GNAS: variants seen among roughly 807,000 people sequenced by gnomAD.
GNAS encodes protein ALEX.
Under a neutral mutation model 54.5 loss-of-function variants are expected in GNAS, and 8 were observed. That is an observed-to-expected ratio of 0.15 (90% CI 0.09 to 0.26). The LOEUF is 0.26. GNAS is among the 10% of genes least tolerant of loss of function. The pLI is 1.00. For synonymous variants in GNAS, 204 were observed against 191.4 expected, an observed-to-expected ratio of 1.07 and a Z score of -0.54; for missense variants, 170 against 529.8, an observed-to-expected ratio of 0.32 and a Z score of 6.67.
chr20:58,840,527 C>T, upstream of GNAS: 1 of 1,613,592 alleles, frequency 6.2e-7, no homozygotes, highest in African/African-American at 1.3e-5. This position sits in a 1 kb window ranked among gnomAD's most constrained non-coding sequence, Gnocchi z 6.0. Context: ...CGAGACCGAG[C>T]CTGAAGACGA....
upstream of GNAS, chr20:58,889,331 G>T: frequency 1.0e-6 from 1 of 988,842 alleles, no homozygotes; most frequent in African/African-American, 1.8e-5. Context: ...GCTGCCTTGC[G>T]TGTGAGTGCA....
chr20:58,840,105 G>A (rs1278106909), upstream of GNAS: 5 of 1,610,454 alleles, frequency 3.1e-6, no homozygotes, highest in Non-Finnish European at 2.5e-6. This position sits in a 1 kb window ranked among gnomAD's most constrained non-coding sequence, Gnocchi z 6.0. Flanking sequence ...GTGCCTAAGA[G>A]GATGGATCGG....
At chr20:58,892,620 G>C (rs1157650523) in intron 1 of GNAS, 4 of 152,282 alleles carry the variant, frequency 2.6e-5, no homozygotes, top group Admixed American at 2.0e-4. Context: ...GACTTGGTGC[G>C]TTTCGGGCAG....
intron 1 of GNAS, among the ~76,000 whole-genome samples, chr20:58,875,841 G>A (rs1261036295): frequency 6.6e-6 from 1 of 152,232 alleles, no homozygotes; most frequent in African/African-American, 2.4e-5. Context: ...AGAGGCTTGA[G>A]TACTATACGG....
chr20:58,842,601 T>A (rs1405060201), intron 1 of GNAS: 1 of 398,118 alleles, frequency 2.5e-6, no homozygotes, highest in Non-Finnish European at 4.4e-6. Flanking sequence ...GACAGCAATG[T>A]TAGTCTCAGA....
chr20:58,845,035 C>CGTGT (rs3842443), intron 1 of GNAS, among the ~76,000 whole-genome samples: 60 of 151,110 alleles, frequency 4.0e-4, no homozygotes, highest in Non-Finnish European at 7.5e-4. Context: ...GTGTGTTTTA[C>CGTGT]GTGTGTGTGT....
chr20:58,893,066 CTTTTTTTTTTTTT>C (rs869179421), intron 1 of GNAS, among the ~76,000 whole-genome samples: 2 of 103,088 alleles, frequency 1.9e-5, no homozygotes, highest in African/African-American at 8.3e-5. Context: ...GGCGTGGTTT[CTTTTTTTTTTTTT>C]TTTTTTTTTT....
At chr20:58,854,389 C>T (rs748720183) in intron 1 of GNAS, 27 of 1,566,296 alleles carry the variant, frequency 1.7e-5, no homozygotes, top group East Asian at 2.4e-5. Context: ...AAAGTACCCT[C>T]TCCGGGGTAC....
intron 1 of GNAS, chr20:58,842,495 G>C (rs2085777084): frequency 2.5e-6 from 1 of 398,530 alleles, no homozygotes; most frequent in African/African-American, 2.1e-5. Context: ...CCAAGACTTA[G>C]TTCTGCCGGG....
chr20:58,853,572 C>T lies in GNAS; in HGVS notation c.43+12686C>T, dbSNP rs1245530559. ...CAGCCCACCTCCTGAGGAAGCAATGCCCTTCGAGGCTGAACAGCCCAGCTT... is the reference window on the plus strand; with the variant it reads ...CAGCCCACCTCCTGAGGAAGCAATGTCCTTCGAGGCTGAACAGCCCAGCTT... On this transcript the variant is annotated intron_variant, in intron 1 of 12. Coordinates refer to the GNAS transcript ENST00000306090. The surrounding 1 kb of genome is among the most constrained non-coding windows in gnomAD (Gnocchi z 4.4). The T allele has an allele frequency of 3.7e-6, 6 of 1,613,174 alleles. No individual in the cohort carries two copies. The African/African-American group carries it at 5.3e-5, about 14-fold the overall frequency.
chr20:58,842,598 A>C, intron 1 of GNAS: 1 of 398,338 alleles, frequency 2.5e-6, no homozygotes, highest in Middle Eastern at 6.3e-4. Flanking sequence ...TGCGACAGCA[A>C]TGTTAGTCTC....
intron 2 of GNAS, 122 bp from the exon 3 acceptor site, chr20:58,898,819 G>GGCGC (rs2090329822): frequency 1.1e-6 from 1 of 882,344 alleles, no homozygotes; most frequent in South Asian, 1.3e-5. Flanking sequence ...ATGGATGGCT[G>GGCGC]GCGCGCGAAT....
chr20:58,880,838 T>A (rs1028983097), intron 1 of GNAS, among the ~76,000 whole-genome samples: 1 of 152,310 alleles, frequency 6.6e-6, no homozygotes, highest in Non-Finnish European at 1.5e-5. Context: ...TATCCTTTAG[T>A]CATAGTTTTT....
At chr20:58,895,226 G>A in intron 1 of GNAS, 2 of 343,154 alleles carry the variant, frequency 5.8e-6, no homozygotes, top group Non-Finnish European at 1.1e-5. Context: ...ATGTGTGAAT[G>A]TTCATGTATC....
chr20:58,870,189 G>A (rs2087346582), intron 1 of GNAS, among the ~76,000 whole-genome samples: 2 of 152,110 alleles, frequency 1.3e-5, no homozygotes, highest in Admixed American at 1.3e-4. Flanking sequence ...GAATACACAG[G>A]GTTGATTTAA....
intron 1 of GNAS, chr20:58,854,179 C>G: frequency 6.2e-7 from 1 of 1,612,934 alleles, no homozygotes; most frequent in Non-Finnish European, 8.5e-7. Flanking sequence ...ATGGAGATCT[C>G]CGGACCCCCG....
rs1568923146 is a variant in GNAS, at chr20:58,853,331, CG to C, written c.43+12449del. 4 of 1,550,568 alleles carry C rather than the reference CG, an allele frequency of 2.6e-6. No homozygotes were observed. Among genetic ancestry groups the C allele is most frequent in the Non-Finnish European group, 3.5e-6 (4 of 1,146,792 alleles). Reference sequence around the variant, plus strand: ...GACAACGCGATATCCCCCCTGAAATCGGGGAACAGCCCGAGCAACCACCTTT... The same window carrying C: ...GACAACGCGATATCCCCCCTGAAATCGGGAACAGCCCGAGCAACCACCTTT... On this transcript the variant is annotated intron_variant, in intron 1 of 12. Transcript: ENST00000306090. The surrounding 1 kb of genome is among the most constrained non-coding windows in gnomAD (Gnocchi z 4.4).
chr20:58,844,808 C>A (rs2085881212), intron 1 of GNAS, among the ~76,000 whole-genome samples: 5 of 151,100 alleles, frequency 3.3e-5, no homozygotes, highest in African/African-American at 7.3e-5. Context: ...AAAAAAAAAA[C>A]AAAACAAAAC....
Position 58,876,125 on chromosome 20 carries a change from G to T in GNAS, c.44-19487G>T, listed in dbSNP as rs192167717. 6.6e-5 allele frequency among the ~76,000 whole-genome samples: 10 copies of T among 152,268 alleles called. No homozygotes were observed. In the East Asian group the frequency reaches 1.5e-3, roughly 23 times the overall value. On this transcript the variant is annotated intron_variant, in intron 1 of 12. Coordinates refer to the GNAS transcript ENST00000306090. ...TGAGGGCGGCCCAGATTGCCATCTT[G>T]ACTTGCCAGATATTAGCAATACTCT...
Sources: gnomAD v4.1 joint callset for allele counts (sites outside exome capture counted in the v4.1 genomes callset) on GRCh38, gnomAD v4.1.1 for gene constraint, Gnocchi (gnomAD v3.1) non-coding constraint, MANE v1.5 for transcripts, NCBI Gene and HGNC (gene_info 2026-07-23, HGNC 2026-07-21) for gene names.